NEK6: variants seen among roughly 807,000 people sequenced by gnomAD.
The protein encoded by NEK6 is serine/threonine-protein kinase Nek6.
NEK6 carries 27 observed loss-of-function variants against 43.5 expected under a neutral mutation model. That is an observed-to-expected ratio of 0.62 (90% CI 0.46 to 0.86). The LOEUF (loss-of-function observed/expected upper bound fraction) is 0.86. Ranked by LOEUF, NEK6 falls within the 40% of genes least tolerant of loss-of-function variation. The probability of loss-of-function intolerance (pLI) is 0.00; values close to 1 mark genes in which losing one functional copy is unlikely to be tolerated. For missense variants in NEK6, 318 were observed against 414.4 expected (o/e 0.77, Z 2.02); for synonymous variants, 167 against 164.1 (o/e 1.02, Z -0.14).
intron 9 of NEK6, 124 bp from the exon 10 acceptor site, chr9:124,350,713 A>G: frequency 1.4e-6 from 1 of 730,478 alleles, no homozygotes; most frequent in South Asian, 1.5e-5. Context: ...TTCAGCTCTA[A>G]CGGGGACAAC....
chr9:124,296,397 C>T (rs140847719), intron 1 of NEK6, among the ~76,000 whole-genome samples: 195 of 152,302 alleles, frequency 1.3e-3, no homozygotes, highest in Non-Finnish European at 1.9e-3. Context: ...CAAGGCTGAC[C>T]TCCAAGGCCA....
At chr9:124,328,462 C>T (rs1828788136) in intron 7 of NEK6, among the ~76,000 whole-genome samples, 1 of 152,132 alleles carries the variant, frequency 6.6e-6, no homozygotes, top group African/African-American at 2.4e-5. Flanking sequence ...GGCCCACCCC[C>T]TGTGTGCTGT....
At chr9:124,322,974 G>A (rs1037416797) in intron 5 of NEK6, among the ~76,000 whole-genome samples, 8 of 152,226 alleles carry the variant, frequency 5.3e-5, no homozygotes, top group Non-Finnish European at 1.2e-4. Context: ...GGGAACAGAT[G>A]TGCTAGATCA....
intron 8 of NEK6, among the ~76,000 whole-genome samples, chr9:124,340,996 T>C (rs1369861770): frequency 6.6e-6 from 1 of 152,238 alleles, no homozygotes; most frequent in Non-Finnish European, 1.5e-5. Flanking sequence ...ATTGAGACTA[T>C]GAGTTCAAAA....
chr9:124,292,043 A>C (rs1832446162), intron 1 of NEK6: 1 of 1,005,556 alleles, frequency 9.9e-7, no homozygotes, highest in East Asian at 1.0e-4. Context: ...CTCAACCCAG[A>C]GTGGAGCAGA....
chr9:124,347,047 G>A (rs1251960987), intron 8 of NEK6, among the ~76,000 whole-genome samples: 3 of 152,206 alleles, frequency 2.0e-5, no homozygotes, highest in Non-Finnish European at 4.4e-5. Context: ...GCTGGCTGTG[G>A]AGCCAGGCGC....
chr9:124,280,864 C>A (rs1315464857), intron 1 of NEK6, among the ~76,000 whole-genome samples: 1 of 152,090 alleles, frequency 6.6e-6, no homozygotes, highest in African/African-American at 2.4e-5. Context: ...GTGATCTCGG[C>A]TCACTGCAGC....
chr9:124,283,425 C>T (rs549015486), intron 1 of NEK6, among the ~76,000 whole-genome samples: 1 of 152,370 alleles, frequency 6.6e-6, no homozygotes, highest in South Asian at 2.1e-4. Flanking sequence ...AAGTTGAGTG[C>T]ACGGGTGTAG....
Position 124,268,636 on chromosome 9 carries a change from C to T in NEK6, c.-30+10551C>T, listed in dbSNP as rs1044501314. The stretch of plus-strand genomic sequence containing the variant: ...CCAGTCAGCCACTGTTCACAGGCCA[C>T]GTGGTGACGTCCCCAGAATGAACCA... On this transcript the variant is annotated intron_variant, in intron 1 of 9. Transcript: ENST00000320246. Among the ~76,000 whole-genome samples, 13 of 152,320 alleles carry T rather than the reference C, an allele frequency of 8.5e-5. 1 individual carries two copies. The East Asian group carries it at 1.9e-3, about 23-fold the overall frequency.
At chr9:124,347,108 C>G (rs182978913) in intron 8 of NEK6, among the ~76,000 whole-genome samples, 1 of 152,328 alleles carries the variant, frequency 6.6e-6, no homozygotes, top group Non-Finnish European at 1.5e-5. Flanking sequence ...GCACCTCTAT[C>G]CAGGGGCAGG....
intron 7 of NEK6, among the ~76,000 whole-genome samples, chr9:124,327,980 G>A (rs1482596773): frequency 6.6e-6 from 1 of 152,192 alleles, no homozygotes; most frequent in Non-Finnish European, 1.5e-5. Flanking sequence ...GAGCCTCGGT[G>A]TGCGGCTGAG....
intron 8 of NEK6, among the ~76,000 whole-genome samples, chr9:124,346,591 C>A (rs571522210): frequency 1.3e-5 from 2 of 152,182 alleles, no homozygotes; most frequent in South Asian, 4.1e-4. Flanking sequence ...CCTCGGGGGG[C>A]GGTCCGGGAG....
In NEK6 at chr9:124,347,831, G is replaced by A. The variant is rs534936044; in HGVS notation, c.831+9G>A. ...AGCACTACTCCGAGAAGGTGAGTTT[G>A]CAGGAGCCGGAGGCCTCGCCAGCCC... On this transcript the variant is annotated intron_variant, in intron 9 of 9. Coordinates refer to ENST00000320246, the MANE Select transcript of NEK6 (RefSeq NM_014397.6). The A allele has an allele frequency of 2.5e-6, 4 of 1,589,882 alleles. No homozygotes were observed. In the East Asian group the frequency reaches 6.7e-5, roughly 27 times the overall value.
chr9:124,258,766 C>G (rs1363585777), intron 1 of NEK6, among the ~76,000 whole-genome samples: 4 of 152,214 alleles, frequency 2.6e-5, no homozygotes, highest in African/African-American at 9.6e-5. Flanking sequence ...AGACTCAGAG[C>G]CTGGCTGGGC....
At chr9:124,309,601 G>T (rs1156889502) in intron 2 of NEK6, among the ~76,000 whole-genome samples, 1 of 152,210 alleles carries the variant, frequency 6.6e-6, no homozygotes, top group Admixed American at 6.5e-5. Flanking sequence ...TGCGAGATGG[G>T]ATTCATAACC....
Position 124,326,202 on chromosome 9 carries a change from T to TGC in NEK6, c.406-128_406-127insGC. ...GCTTATTGTTTGCTCAGTGGCTCAA[T>TGC]CCCCCCCCCCCGCCCCTGCCAGGCA... On this transcript the variant is annotated intron_variant, in intron 5 of 9. Transcript: ENST00000320246. The surrounding 1 kb of genome is among the most constrained non-coding windows in gnomAD (Gnocchi z 4.5). 1 of 124,046 alleles carries TGC rather than the reference T, an allele frequency of 8.1e-6. No homozygotes were observed. The highest frequency in any genetic ancestry group is 2.0e-5 in the Non-Finnish European group (1 of 50,614). The allele number at this position is 124,046 out of a possible 1,614,324, so 7.7% of individuals were successfully genotyped here. A position where few individuals can be genotyped will look rare whatever the true frequency, so the allele number is the denominator to read the frequency against.
intron 1 of NEK6, among the ~76,000 whole-genome samples, chr9:124,277,560 T>C (rs1213831300): frequency 6.6e-6 from 1 of 152,316 alleles, no homozygotes; most frequent in East Asian, 1.9e-4. Context: ...TCAGCCTCTC[T>C]CGGCTTTCCT....
At chr9:124,328,753 G>T (rs1211512337) in intron 7 of NEK6, among the ~76,000 whole-genome samples, 1 of 152,230 alleles carries the variant, frequency 6.6e-6, no homozygotes, top group Admixed American at 6.5e-5. Context: ...ACACTTAGGA[G>T]AAATGTACGA....
At chr9:124,290,152 G>T (rs1322852841) in intron 1 of NEK6, among the ~76,000 whole-genome samples, 29 of 152,234 alleles carry the variant, frequency 1.9e-4, no homozygotes, top group Non-Finnish European at 1.2e-4. Flanking sequence ...ATGCACTGAG[G>T]TGTGCACAGC....
Sources: allele counts gnomAD v4.1 joint callset (sites outside exome capture counted in the v4.1 genomes callset), GRCh38; gene constraint gnomAD v4.1.1; non-coding constraint Gnocchi (gnomAD v3.1); transcripts MANE v1.5; gene names NCBI Gene and HGNC (gene_info 2026-07-23, HGNC 2026-07-21).